The following AGPAT3 variants were observed in gnomAD, a reference collection of about 807,000 sequenced individuals.
The protein encoded by AGPAT3 is 1-acylglycerol-3-phosphate O-acyltransferase 3, also known as 1-acyl-sn-glycerol-3-phosphate acyltransferase gamma.
Under a neutral mutation model 47.3 loss-of-function variants are expected in AGPAT3, and 5 were observed. That is an observed-to-expected ratio of 0.11 (90% CI 0.06 to 0.22). The LOEUF (loss-of-function observed/expected upper bound fraction) is 0.22. AGPAT3 is among the 10% of genes least tolerant of loss of function. The pLI is 1.00. For missense variants in AGPAT3, 315 were observed against 493.0 expected (o/e 0.64, Z 3.42); for synonymous variants, 212 against 208.3 (o/e 1.02, Z -0.15).
At chr21:43,924,687 C>T (rs1012327591) in intron 2 of AGPAT3, among the ~76,000 whole-genome samples, 1 of 152,210 alleles carries the variant, frequency 6.6e-6, no homozygotes, top group Admixed American at 6.5e-5. Context: ...GAGATGGCTG[C>T]CTTGCCCCGG....
chr21:43,935,246 G>C lies in AGPAT3; in HGVS notation c.-48-24388G>C, dbSNP rs148144368. ...ACACTGGGCCGTGTGGTGGCCTTGC[G>C]TGGTGAGGGAGCAGGAGGCAGGCTC... On this transcript the variant is annotated intron_variant, in intron 2 of 9. Coordinates refer to ENST00000291572, the MANE Select transcript of AGPAT3 (RefSeq NM_020132.5). Among the ~76,000 whole-genome samples the C allele has an allele frequency of 4.6e-5, 7 of 152,396 alleles. No individual in the cohort carries two copies. The East Asian group carries it at 1.3e-3, about 29-fold the overall frequency.
Position 43,957,647 on chromosome 21 carries a change from T to C in AGPAT3, c.-48-1987T>C, listed in dbSNP as rs577973873. 2.1e-5 allele frequency among the ~76,000 whole-genome samples: 3 copies of C among 145,776 alleles called. No homozygotes were observed. The East Asian group carries it at 6.3e-4, about 31-fold the overall frequency. On this transcript the variant is annotated intron_variant, in intron 2 of 9. Coordinates refer to ENST00000291572, the MANE Select transcript of AGPAT3 (RefSeq NM_020132.5). ...CCCCCTGCACACAGGGATCTCGGGT[T>C]TCCCCCTCCACACGGGGGTCTCGGG...
Position 43,934,594 on chromosome 21 carries a change from G to A in AGPAT3, c.-48-25040G>A, listed in dbSNP as rs1042326234. Among the ~76,000 whole-genome samples the A allele has an allele frequency of 6.6e-6, 1 of 152,176 alleles. No individual in the cohort carries two copies. Among genetic ancestry groups the A allele is most frequent in the Admixed American group, 6.5e-5 (1 of 15,286 alleles). ...CAGAAGGTAAGACTAGGAGGTGTGCGATGGTGATGGGGCGGAGGAGGGGAC... is the reference window on the plus strand; with the variant it reads ...CAGAAGGTAAGACTAGGAGGTGTGCAATGGTGATGGGGCGGAGGAGGGGAC... On this transcript the variant is annotated intron_variant, in intron 2 of 9. Coordinates refer to ENST00000291572, the MANE Select transcript of AGPAT3 (RefSeq NM_020132.5). The surrounding 1 kb of genome is among the most constrained non-coding windows in gnomAD (Gnocchi z 4.7).
rs1380456219 is a variant in AGPAT3, at chr21:43,981,556, A to G, written c.1042+369A>G. 6.0e-6 allele frequency: 2 copies of G among 334,462 alleles called. No individual in the cohort carries two copies. The highest frequency in any genetic ancestry group is 5.7e-6 in the Non-Finnish European group (1 of 174,694). The allele number at this position is 334,462 out of a possible 1,614,324, so 20.7% of individuals were successfully genotyped here. On this transcript the variant is annotated intron_variant, in intron 9 of 9. Transcript: ENST00000291572. The surrounding 1 kb of genome is among the most constrained non-coding windows in gnomAD (Gnocchi z 5.3). ...ATTCGGGAGGTTTAAGCAGGACATC[A>G]TCATTCAGCTCCTCCCCATTGACCC...
chr21:43,986,827 C>T lies in AGPAT3; in HGVS notation c.*4435C>T, dbSNP rs548454131. Among the ~76,000 whole-genome samples, 11 of 152,348 alleles carry T rather than the reference C, an allele frequency of 7.2e-5. No individual in the cohort carries two copies. Among genetic ancestry groups the T allele is most frequent in the African/African-American group, 1.7e-4 (7 of 41,590 alleles). ...GTATACAGGGTGCAAATGTATTATA[C>T]GGATGTTTCCTTTTGTACACTTCAT... is the stretch of plus-strand genomic sequence containing the variant. On this transcript the variant is annotated 3_prime_UTR_variant, in exon 10 of 10. Transcript: ENST00000291572.
Position 43,922,456 on chromosome 21 carries a change from C to T in AGPAT3, c.-49+18437C>T, listed in dbSNP as rs1490332301. ...TTAACCCCACCCTCAAGGCAGGCAG[C>T]GAGTGGAGGAGAGTCTCCCTGGGAC... On this transcript the variant is annotated intron_variant, in intron 2 of 9. Transcript: ENST00000291572. The surrounding 1 kb of genome is among the most constrained non-coding windows in gnomAD (Gnocchi z 4.9). Among the ~76,000 whole-genome samples the T allele has an allele frequency of 6.6e-6, 1 of 152,138 alleles. No individual in the cohort carries two copies. Among genetic ancestry groups the T allele is most frequent in the Admixed American group, 6.5e-5 (1 of 15,272 alleles).
rs374751327 is a variant in AGPAT3 at position 43,951,214 on chromosome 21, G to A, written c.-48-8420G>A. On this transcript the variant is annotated intron_variant, in intron 2 of 9. Coordinates refer to ENST00000291572, the MANE Select transcript of AGPAT3 (RefSeq NM_020132.5). ...CAGAGCCCTTGGGTGCGGGGTGGGC[G>A]GGACAGAGAAGAGGAAGGGGGGAAG... 1.2e-4 allele frequency among the ~76,000 whole-genome samples: 18 copies of A among 152,136 alleles called. No individual in the cohort carries two copies. In the East Asian group the frequency reaches 2.7e-3, roughly 23 times the overall value.
At chr21:43,903,623 C>T (rs987322133) in intron 1 of AGPAT3, among the ~76,000 whole-genome samples, 2 of 152,164 alleles carry the variant, frequency 1.3e-5, no homozygotes, top group Non-Finnish European at 2.9e-5. Flanking sequence ...ATGGTGGCCC[C>T]GCCTTTCCAA....
intron 2 of AGPAT3, among the ~76,000 whole-genome samples, chr21:43,928,869 C>A (rs2087144278): frequency 6.6e-6 from 1 of 152,202 alleles, no homozygotes; most frequent in Admixed American, 6.5e-5. Flanking sequence ...CCACACCAAT[C>A]CTCTTTTTGC....
At chr21:43,910,618 G>A (rs958104907) in intron 2 of AGPAT3, among the ~76,000 whole-genome samples, 4 of 152,204 alleles carry the variant, frequency 2.6e-5, no homozygotes, top group African/African-American at 9.7e-5. Context: ...TGCCCACGGG[G>A]GACTGGAGGA....
chr21:43,950,778 A>G (rs767004119), intron 2 of AGPAT3: 10 of 152,256 alleles, frequency 6.6e-5, no homozygotes, highest in Non-Finnish European at 1.3e-4. Flanking sequence ...CGCACTTCCA[A>G]TGAGCTGTGG....
chr21:43,947,611 G>A (rs1470813931), intron 2 of AGPAT3, among the ~76,000 whole-genome samples: 5 of 152,110 alleles, frequency 3.3e-5, no homozygotes, highest in African/African-American at 4.8e-5. Flanking sequence ...CAGGAGTGAC[G>A]TTGTTCTTTC....
intron 7 of AGPAT3, among the ~76,000 whole-genome samples, chr21:43,971,822 C>T (rs1206090249): frequency 2.6e-5 from 4 of 152,252 alleles, no homozygotes; most frequent in Non-Finnish European, 5.9e-5. Flanking sequence ...TCTCCTTCTG[C>T]CTCCTTGGGA....
At chr21:43,870,106 G>C (rs999991497) in intron 1 of AGPAT3, among the ~76,000 whole-genome samples, 5 of 152,308 alleles carry the variant, frequency 3.3e-5, no homozygotes, top group Non-Finnish European at 5.9e-5. Flanking sequence ...TTTTGGATTA[G>C]TTTTAGGAAG....
intron 1 of AGPAT3, among the ~76,000 whole-genome samples, chr21:43,893,416 A>G (rs939294238): frequency 2.6e-5 from 4 of 152,218 alleles, no homozygotes; most frequent in African/African-American, 4.8e-5. Context: ...AACTTTCTCC[A>G]TATCAGCAAT....
chr21:43,960,810 A>C, intron 3 of AGPAT3: 8 of 977,274 alleles, frequency 8.2e-6, no homozygotes, highest in Non-Finnish European at 9.7e-6. Flanking sequence ...TGTCTTAAGA[A>C]AGGATGCTGT....
rs2088373863 is a variant in AGPAT3 at position 43,955,002 on chromosome 21, C to T, written c.-48-4632C>T. 1 of 1,123,458 alleles carries T rather than the reference C, an allele frequency of 8.9e-7. No individual in the cohort carries two copies. Among genetic ancestry groups the T allele is most frequent in the Admixed American group, 4.1e-5 (1 of 24,540 alleles). The allele number at this position is 1,123,458 out of a possible 1,614,324, so 69.6% of individuals were successfully genotyped here. On this transcript the variant is annotated intron_variant, in intron 2 of 9. Transcript: ENST00000291572. The surrounding 1 kb of genome is among the most constrained non-coding windows in gnomAD (Gnocchi z 4.1). ...GATAAAGTGGATTCTCGAGGGGAAGCTGCATCCACACAGAGGCTGGGACGT... is the reference window on the plus strand; with the variant it reads ...GATAAAGTGGATTCTCGAGGGGAAGTTGCATCCACACAGAGGCTGGGACGT...
chr21:43,967,788 T>C, intron 3 of AGPAT3, 158 bp from the exon 4 acceptor site: 2 of 701,770 alleles, frequency 2.8e-6, no homozygotes, highest in Non-Finnish European at 4.6e-6. Flanking sequence ...AAAGTTATTG[T>C]AATTTCATAA....
Position 43,968,000 on chromosome 21 carries a change from A to G in AGPAT3, c.233A>G (p.Asp78Gly), listed in dbSNP as rs1250954963. 6.2e-7 allele frequency: 1 copy of G among 1,613,898 alleles called. No individual in the cohort carries two copies. Among genetic ancestry groups the G allele is most frequent in the Admixed American group, 1.7e-5 (1 of 59,994 alleles). ...TGCACGGAGTGTACACTGTTCACGG[A>G]CCAGGCCACGGTAGAGCGCTTTGGG... ...WSCTECTLFT[D>G]QATVERFGKE... The change falls in exon 4 of 10, where the codon GAC (aspartate) becomes GGC (glycine). Residue 78 changes from aspartate (D) to glycine (G), a missense_variant. Asp to Gly is a moderately conservative substitution (Grantham distance 94, BLOSUM62 -1). Transcript: ENST00000291572.
Sources: allele counts gnomAD v4.1 joint callset (sites outside exome capture counted in the v4.1 genomes callset), GRCh38; gene constraint gnomAD v4.1.1; non-coding constraint Gnocchi (gnomAD v3.1); transcripts MANE v1.5; gene names NCBI Gene and HGNC (gene_info 2026-07-23, HGNC 2026-07-21).